The following SP140L variants were observed in gnomAD, a reference collection of about 807,000 sequenced individuals.
The protein encoded by SP140L is SP140 like nuclear body protein, also known as nuclear body protein SP140-like protein.
A neutral mutation model predicts 84.3 loss-of-function variants in SP140L; 64 were observed. The ratio of observed to expected loss-of-function variants is 0.76; its 90% CI spans 0.62 to 0.94. The LOEUF is 0.94. Ranked by LOEUF, SP140L falls within the 40% of genes least tolerant of loss-of-function variation. The pLI is 0.00. For synonymous variants in SP140L, 242 were observed against 236.9 expected (o/e 1.02, Z -0.20); for missense variants, 628 against 692.5 (o/e 0.91, Z 1.05).
intron 5 of SP140L, 144 bp downstream of exon 5, chr2:230,361,841 A>G (rs555389413): frequency 6.3e-6 from 4 of 636,866 alleles, no homozygotes; most frequent in East Asian, 2.8e-5. Context: ...AGGGGGTTGT[A>G]TGAGCTCCTA....
intron 7 of SP140L, among the ~76,000 whole-genome samples, chr2:230,380,555 TTTCTGCAC>T (rs1021735580): frequency 6.6e-6 from 1 of 152,132 alleles, no homozygotes; most frequent in Non-Finnish European, 1.5e-5. Flanking sequence ...CAACCACACT[TTTCTGCAC>T]CATCGAAATC....
At chr2:230,365,164 T>A (rs1242894735) in intron 5 of SP140L, among the ~76,000 whole-genome samples, 1 of 152,108 alleles carries the variant, frequency 6.6e-6, no homozygotes, top group African/African-American at 2.4e-5. Flanking sequence ...TAATGTTGGC[T>A]TCATAGACTA....
Position 230,380,883 on chromosome 2 carries a change from G to T in SP140L, c.638-2627G>T, listed in dbSNP as rs2061382107. 2.0e-5 allele frequency among the ~76,000 whole-genome samples: 3 copies of T among 152,048 alleles called. No individual in the cohort carries two copies. The South Asian group carries it at 6.2e-4, about 32-fold the overall frequency. ...TTTGTTTATAATTCTCCTGATGAACGTCACCTCAAGTATTTTCAGTTTTTT... is the reference window on the plus strand; with the variant it reads ...TTTGTTTATAATTCTCCTGATGAACTTCACCTCAAGTATTTTCAGTTTTTT... On this transcript the variant is annotated intron_variant, in intron 7 of 18. Coordinates refer to ENST00000415673, the MANE Select transcript of SP140L (RefSeq NM_138402.6).
intron 2 of SP140L, among the ~76,000 whole-genome samples, chr2:230,347,338 C>T (rs1188451715): frequency 6.6e-6 from 1 of 152,130 alleles, no homozygotes; most frequent in Non-Finnish European, 1.5e-5. Flanking sequence ...TGGGTTGAGT[C>T]ACTGTCTGGG....
At chr2:230,385,854 G>A (rs1266099162) in intron 9 of SP140L, among the ~76,000 whole-genome samples, 1 of 152,214 alleles carries the variant, frequency 6.6e-6, no homozygotes, top group Non-Finnish European at 1.5e-5. Flanking sequence ...GACATGGCCA[G>A]TGTCTTCTCT....
intron 2 of SP140L, among the ~76,000 whole-genome samples, chr2:230,336,381 G>T (rs1575430777): frequency 6.6e-6 from 1 of 152,274 alleles, no homozygotes; most frequent in African/African-American, 2.4e-5. Flanking sequence ...TAAGGGGTGG[G>T]TCCTTGAGCT....
chr2:230,336,571 A>G (rs893990336), intron 2 of SP140L, among the ~76,000 whole-genome samples: 2 of 152,214 alleles, frequency 1.3e-5, no homozygotes, highest in South Asian at 4.1e-4. Context: ...GAAATGTCAG[A>G]TATTTTTTAA....
intron 2 of SP140L, among the ~76,000 whole-genome samples, chr2:230,346,556 CT>C (rs541161581): frequency 6.6e-6 from 1 of 150,682 alleles, no homozygotes; most frequent in South Asian, 2.1e-4. Flanking sequence ...ACACAATAGG[CT>C]TTTTTTCACT....
At chr2:230,366,114 A>G (rs1470847545) in intron 5 of SP140L, among the ~76,000 whole-genome samples, 1 of 152,128 alleles carries the variant, frequency 6.6e-6, no homozygotes, top group Non-Finnish European at 1.5e-5. Context: ...AATGTTCTTT[A>G]TGATGCTGTT....
At chr2:230,372,880 A>G (rs532646639) in intron 7 of SP140L, 2 of 152,344 alleles carry the variant, frequency 1.3e-5, no homozygotes, top group South Asian at 4.1e-4. Context: ...TTATGAATGC[A>G]AAGGAAAAGT....
intron 2 of SP140L, among the ~76,000 whole-genome samples, chr2:230,347,727 G>C (rs1027005265): frequency 2.0e-5 from 3 of 152,198 alleles, no homozygotes; most frequent in Non-Finnish European, 4.4e-5. Context: ...CTCTTTGGGG[G>C]TTCCCTGGTC....
intron 18 of SP140L, 129 bp downstream of exon 18, chr2:230,401,936 T>C: frequency 2.3e-6 from 2 of 852,584 alleles, no homozygotes; most frequent in Non-Finnish European, 3.7e-6. Context: ...AAGTGATTGA[T>C]TGGTTTCAGT....
intron 5 of SP140L, among the ~76,000 whole-genome samples, chr2:230,366,703 TTATTATC>T (rs1446227130): frequency 6.2e-4 from 51 of 82,604 alleles, no homozygotes; most frequent in African/African-American, 3.2e-3. Flanking sequence ...GTTTTGTGGA[TTATTATC>T]TATTATTATT....
intron 7 of SP140L, among the ~76,000 whole-genome samples, chr2:230,376,827 C>T (rs2061254505): frequency 6.6e-6 from 1 of 151,716 alleles, no homozygotes; most frequent in Non-Finnish European, 1.5e-5. Flanking sequence ...AACTATATTA[C>T]AAAGCAAGAG....
chr2:230,371,527 T>A (rs2061070416), intron 6 of SP140L, 71 bp from the exon 7 acceptor site: 9 of 1,303,490 alleles, frequency 6.9e-6, no homozygotes, highest in Non-Finnish European at 7.5e-6. Context: ...TTCTATAGTA[T>A]GAATTGTCCT....
In SP140L at chr2:230,361,669, G is replaced by T. The variant is rs1293348064; in HGVS notation, c.495G>T (p.Arg165Ser). 23 of 1,562,150 alleles carry T rather than the reference G, an allele frequency of 1.5e-5. No individual in the cohort carries two copies. The highest frequency in any genetic ancestry group is 1.9e-5 in the Non-Finnish European group (22 of 1,152,178). Residue 165 changes from arginine to serine, a missense_variant, in exon 5 of 19, where the codon AGG (arginine) becomes AGT (serine). By Grantham distance (110) the Arg-to-Ser change is moderately radical. This residue lies in a region of SP140L where 525 missense variants were observed against 518.4 expected (regional missense o/e 1.01). Coordinates refer to ENST00000415673, the MANE Select transcript of SP140L (RefSeq NM_138402.6). ...GTGATCGAAAAGAAAGGGAAGAGAG[G>T]CCTGACATCAAACTAAGTCTTAAAC... is the stretch of plus-strand genomic sequence containing the variant. ...QESDRKEREE[R>S]PDIKLSLKQG...
chr2:230,385,002 A>C (rs1452590857), intron 8 of SP140L, among the ~76,000 whole-genome samples: 3 of 152,242 alleles, frequency 2.0e-5, no homozygotes, highest in Non-Finnish European at 1.5e-5. Flanking sequence ...TTTTCATTTA[A>C]GTCTGTGTGT....
In SP140L at chr2:230,381,757, CACAT is replaced by C. The variant is rs1482830879; in HGVS notation, c.638-1752_638-1749del. Among the ~76,000 whole-genome samples, 51 of 126,056 alleles carry C rather than the reference CACAT, an allele frequency of 4.0e-4. No individual in the cohort carries two copies. In the East Asian group the frequency reaches 8.7e-3, roughly 21 times the overall value. 82.7% of individuals were successfully genotyped at this position (126,056 alleles called of 152,430 possible). A position where few individuals can be genotyped will look rare whatever the true frequency, so the allele number is the denominator to read the frequency against. ...ACACACACACACACACACACACACACACATTTCATAAACCGTGAATGCTTTAGGT... is the reference window on the plus strand; with the variant it reads ...ACACACACACACACACACACACACACTTCATAAACCGTGAATGCTTTAGGT... On this transcript the variant is annotated intron_variant, in intron 7 of 18. Coordinates refer to ENST00000415673, the MANE Select transcript of SP140L (RefSeq NM_138402.6).
intron 7 of SP140L, among the ~76,000 whole-genome samples, chr2:230,378,621 A>G (rs1419647212): frequency 1.3e-5 from 2 of 152,210 alleles, no homozygotes; most frequent in South Asian, 2.1e-4. Flanking sequence ...TTAGTTGATC[A>G]GGAGTGGAAA....
Sources: allele counts gnomAD v4.1 joint callset (sites outside exome capture counted in the v4.1 genomes callset), GRCh38; gene constraint gnomAD v4.1.1; regional missense constraint gnomAD v4.1.1; transcripts MANE v1.5; gene names NCBI Gene and HGNC (gene_info 2026-07-23, HGNC 2026-07-21).